Variants in FOXP1 observed in about 807,000 individuals in gnomAD.
The protein encoded by FOXP1 is forkhead box protein P1.
FOXP1 carries 15 observed loss-of-function variants against 98.2 expected under a neutral mutation model. The ratio of observed to expected loss-of-function variants is 0.15; its 90% confidence interval spans 0.10 to 0.24. The LOEUF (loss-of-function observed/expected upper bound fraction) is 0.24, where lower values mean the gene tolerates loss of function less well. Among genes scored for constraint, FOXP1 ranks in the 10% least tolerant of loss-of-function variants. The pLI is 1.00. For synonymous variants in FOXP1, 371 were observed against 314.5 expected (o/e 1.18, Z -1.90); for missense variants, 633 against 848.5 (o/e 0.75, Z 3.15).
At chr3:71,149,864 A>T (rs2060488977) in intron 6 of FOXP1, among the ~76,000 whole-genome samples, 1 of 152,234 alleles carries the variant, frequency 6.6e-6, no homozygotes, top group African/African-American at 2.4e-5. Context: ...CAGGATTGGA[A>T]ATCATTTAGC....
At chr3:71,155,292 G>A (rs888014723) in intron 6 of FOXP1, among the ~76,000 whole-genome samples, 1 of 152,174 alleles carries the variant, frequency 6.6e-6, no homozygotes, top group Non-Finnish European at 1.5e-5. Context: ...TATGCCTTTA[G>A]TATAGTGCTG....
chr3:71,253,385 A>G (rs1246516109), intron 5 of FOXP1, among the ~76,000 whole-genome samples: 4 of 131,420 alleles, frequency 3.0e-5, no homozygotes, highest in Non-Finnish European at 6.8e-5. Flanking sequence ...CATCTTTAAT[A>G]TGGAAATAAT....
chr3:71,010,047 G>C (rs973544163), intron 12 of FOXP1, among the ~76,000 whole-genome samples: 2 of 151,328 alleles, frequency 1.3e-5, no homozygotes, highest in Non-Finnish European at 2.9e-5. Context: ...TAAACCACCT[G>C]TGTCTTGCCT....
intron 7 of FOXP1, among the ~76,000 whole-genome samples, chr3:71,056,866 G>T (rs950259958): frequency 1.3e-5 from 2 of 151,906 alleles, no homozygotes; most frequent in African/African-American, 2.4e-5. Flanking sequence ...AAATAGTTAA[G>T]AATTATAGCC....
At chr3:71,073,107 G>A (rs2053444970) in intron 7 of FOXP1, among the ~76,000 whole-genome samples, 1 of 152,224 alleles carries the variant, frequency 6.6e-6, no homozygotes, top group Admixed American at 6.5e-5. Flanking sequence ...GGCATTGTGT[G>A]TTTGAACAAT....
At chr3:71,318,658 T>G (rs1474926974) in intron 4 of FOXP1, among the ~76,000 whole-genome samples, 1 of 152,198 alleles carries the variant, frequency 6.6e-6, no homozygotes, top group African/African-American at 2.4e-5. Context: ...TGGGCTGCTG[T>G]TGAATGTCAG....
chr3:71,471,625 C>A lies in FOXP1; in HGVS notation c.-168+21801G>T, dbSNP rs558313978. Among the ~76,000 whole-genome samples the A allele has an allele frequency of 1.2e-3, 175 of 151,582 alleles. 4 individuals are homozygous for A. Among genetic ancestry groups the A allele is most frequent in the Middle Eastern group, 6.8e-3 (2 of 292 alleles). On this transcript the variant is annotated intron_variant, in intron 3 of 20. Coordinates refer to ENST00000649528, the MANE Select transcript of FOXP1 (RefSeq NM_001349338.3). ...TCAGATGGAACACAGGCTAAGTTTA[C>A]GTTTATAGCGGACATGCAAATTGAA...
rs147148196 is a variant in FOXP1 at position 71,443,226 on chromosome 3, G to GT, written c.-168+50199dup. 2.1e-3 allele frequency among the ~76,000 whole-genome samples: 315 copies of GT among 152,258 alleles called. 2 individuals are homozygous for GT. The highest frequency in any genetic ancestry group is 3.7e-3 in the South Asian group (18 of 4,830). Reference sequence around the variant, plus strand: ...TGTTTTTAACTGACACACAATAATTGTATGTATTCATGGGGTACTGTGTGA... The same window carrying GT: ...TGTTTTTAACTGACACACAATAATTGTTATGTATTCATGGGGTACTGTGTGA... On this transcript the variant is annotated intron_variant, in intron 3 of 20. Transcript: ENST00000649528.
chr3:71,074,418 G>A (rs951795024), intron 7 of FOXP1, among the ~76,000 whole-genome samples: 1 of 152,100 alleles, frequency 6.6e-6, no homozygotes, highest in Non-Finnish European at 1.5e-5. Context: ...GTAGAGACAG[G>A]GTTTCATCCT....
intron 6 of FOXP1, among the ~76,000 whole-genome samples, chr3:71,115,947 G>A (rs1421737354): frequency 2.0e-5 from 3 of 151,940 alleles, no homozygotes; most frequent in African/African-American, 7.2e-5. Context: ...ACGTCGGCCG[G>A]GCTAGTCTTG....
At chr3:71,304,387 C>A (rs2107586241) in intron 4 of FOXP1, among the ~76,000 whole-genome samples, 1 of 152,312 alleles carries the variant, frequency 6.6e-6, no homozygotes, top group East Asian at 1.9e-4. Context: ...CCCTTCGAAG[C>A]TCTAACAAAG....
At chr3:71,108,294 TTACTACCC>T (rs1429397734) in intron 7 of FOXP1, among the ~76,000 whole-genome samples, 1 of 152,204 alleles carries the variant, frequency 6.6e-6, no homozygotes, top group African/African-American at 2.4e-5. Context: ...CCAAGATGAA[TTACTACCC>T]AGAAACGGTG....
intron 2 of FOXP1, among the ~76,000 whole-genome samples, chr3:71,519,328 A>C (rs1301695128): frequency 6.6e-6 from 1 of 152,228 alleles, no homozygotes; most frequent in Non-Finnish European, 1.5e-5. Flanking sequence ...GGATACCATG[A>C]AAGGTAAAAC....
chr3:71,034,649 T>C (rs1285372813), intron 11 of FOXP1, among the ~76,000 whole-genome samples: 2 of 152,198 alleles, frequency 1.3e-5, no homozygotes, highest in East Asian at 3.8e-4. Context: ...GTTACATAAA[T>C]GTTAGCTGCA....
chr3:71,320,218 C>T (rs1300795311), intron 4 of FOXP1, among the ~76,000 whole-genome samples: 3 of 152,064 alleles, frequency 2.0e-5, no homozygotes, highest in African/African-American at 7.2e-5. Context: ...TGCATGCTTA[C>T]CCACGCACAT....
intron 13 of FOXP1, among the ~76,000 whole-genome samples, chr3:70,999,718 C>G (rs568188542): frequency 4.8e-4 from 69 of 144,684 alleles, no homozygotes; most frequent in Non-Finnish European, 6.8e-4. Context: ...AAAGTCACAA[C>G]AAAAAGTTTA....
At chr3:71,389,436 T>C (rs1382708313) in intron 3 of FOXP1, among the ~76,000 whole-genome samples, 1 of 152,126 alleles carries the variant, frequency 6.6e-6, no homozygotes, top group Non-Finnish European at 1.5e-5. Flanking sequence ...TTATAAGTGC[T>C]GTTGCAGTAA....
chr3:71,112,501 T>A (rs754280364), intron 7 of FOXP1, 35 bp downstream of exon 7: 14 of 1,476,806 alleles, frequency 9.5e-6, no homozygotes, highest in Non-Finnish European at 1.3e-5. Context: ...TCCCAAAGGG[T>A]ATAATGTCAA....
chr3:71,085,360 G>C (rs1166494104), intron 7 of FOXP1, among the ~76,000 whole-genome samples: 2 of 152,044 alleles, frequency 1.3e-5, no homozygotes, highest in Non-Finnish European at 2.9e-5. Flanking sequence ...GTGTTACCCA[G>C]GCTGGTCCCG....
Sources: gnomAD v4.1 joint callset for allele counts (sites outside exome capture counted in the v4.1 genomes callset) on GRCh38, gnomAD v4.1.1 for gene constraint, MANE v1.5 for transcripts, NCBI Gene and HGNC (gene_info 2026-07-23, HGNC 2026-07-21) for gene names.